The following TMC1 variants were observed in gnomAD, a reference collection of about 807,000 sequenced individuals.
The protein encoded by TMC1 is transmembrane channel like 1.
Under a neutral mutation model 105.8 loss-of-function variants are expected in TMC1, and 84 were observed. The ratio of observed to expected loss-of-function variants is 0.79; its 90% CI spans 0.67 to 0.95. The LOEUF is 0.95. TMC1 is among the 40% of genes least tolerant of loss of function. The pLI is 0.00. For synonymous variants in TMC1, 315 were observed against 311.5 expected (o/e 1.01, Z -0.12); for missense variants, 817 against 914.1 (o/e 0.89, Z 1.37).
intron 1 of TMC1, among the ~76,000 whole-genome samples, chr9:72,565,522 T>C (rs922292110): frequency 6.6e-6 from 1 of 152,196 alleles, no homozygotes; most frequent in African/African-American, 2.4e-5. Context: ...TTTTCTTATT[T>C]TATAGGCTGT....
At position 72,543,013 on chromosome 9, in the gene TMC1, T is replaced by G. The variant is rs559665298; in HGVS notation, c.-428+21100T>G. ...TTTTCTAATGTGTAAAATGAAAATA[T>G]GCACTAGACCTTCACTTGTTTTTTT... On this transcript the variant is annotated intron_variant, in intron 1 of 23. Transcript: ENST00000297784. Among the ~76,000 whole-genome samples the G allele has an allele frequency of 2.0e-4, 31 of 152,288 alleles. 1 individual carries two copies. In the South Asian group the frequency reaches 6.4e-3, roughly 32 times the overall value.
intron 5 of TMC1, among the ~76,000 whole-genome samples, chr9:72,682,955 G>C (rs2132178211): frequency 6.6e-6 from 1 of 152,320 alleles, no homozygotes; most frequent in East Asian, 1.9e-4. Context: ...GCAGGAGGAA[G>C]AGAGAGAAGG....
intron 13 of TMC1, among the ~76,000 whole-genome samples, chr9:72,784,968 T>C (rs780831134): frequency 6.6e-6 from 1 of 152,024 alleles, no homozygotes; most frequent in African/African-American, 2.4e-5. Context: ...AAGGTGAGGA[T>C]TGAAAAACTA....
At chr9:72,658,273 T>C (rs1212136268) in intron 5 of TMC1, among the ~76,000 whole-genome samples, 4 of 151,982 alleles carry the variant, frequency 2.6e-5, no homozygotes. Flanking sequence ...ATCAATTGAA[T>C]TGTAGAAGCA....
chr9:72,564,624 T>C (rs1260627431), intron 1 of TMC1, among the ~76,000 whole-genome samples: 2 of 152,196 alleles, frequency 1.3e-5, no homozygotes, highest in Non-Finnish European at 2.9e-5. Context: ...AAAAAAACTT[T>C]TCCATCCAAG....
chr9:72,733,495 T>G (rs950709939), intron 8 of TMC1, among the ~76,000 whole-genome samples: 5 of 152,152 alleles, frequency 3.3e-5, no homozygotes, highest in Non-Finnish European at 7.3e-5. Context: ...TTCTTAACTT[T>G]GTAGTTTGGA....
chr9:72,538,080 C>G (rs1823612361), intron 1 of TMC1, among the ~76,000 whole-genome samples: 1 of 151,216 alleles, frequency 6.6e-6, no homozygotes, highest in Non-Finnish European at 1.5e-5. Flanking sequence ...TACTTGAGCC[C>G]AGGAGGCAGA....
At chr9:72,824,969 T>A (rs377606684) in intron 20 of TMC1, among the ~76,000 whole-genome samples, 6 of 152,348 alleles carry the variant, frequency 3.9e-5, no homozygotes, top group African/African-American at 1.2e-4. Context: ...AGGTGCAGGT[T>A]TTTTAGTATT....
At chr9:72,730,152 A>G (rs2117979375) in intron 8 of TMC1, among the ~76,000 whole-genome samples, 1 of 152,332 alleles carries the variant, frequency 6.6e-6, no homozygotes, top group South Asian at 2.1e-4. Flanking sequence ...GTTGACCAAG[A>G]CTAGGTCATA....
intron 8 of TMC1, among the ~76,000 whole-genome samples, chr9:72,706,198 C>A (rs1165914275): frequency 6.6e-6 from 1 of 152,130 alleles, no homozygotes; most frequent in Non-Finnish European, 1.5e-5. Context: ...ATTTGGCTTC[C>A]ATTCTCACCC....
chr9:72,530,002 TG>T (rs1304209791), intron 1 of TMC1, among the ~76,000 whole-genome samples: 1 of 152,094 alleles, frequency 6.6e-6, no homozygotes, highest in African/African-American at 2.4e-5. Flanking sequence ...AAATCAGGTC[TG>T]GGGAGCAAGG....
In TMC1 at chr9:72,610,006, A is replaced by G. The variant is rs147725914; in HGVS notation, c.-305-6362A>G. Among the ~76,000 whole-genome samples the G allele has an allele frequency of 2.3e-3, 353 of 152,238 alleles. 3 individuals carry two copies. The highest frequency in any genetic ancestry group is 8.1e-3 in the African/African-American group (335 of 41,542). On this transcript the variant is annotated intron_variant, in intron 2 of 23. Transcript: ENST00000297784. ...AACTTTTCATTTTTGTTACACATCT[A>G]TTGACTCTACTGCTCAGTGAACTAT...
chr9:72,588,111 C>A (rs546606661), intron 2 of TMC1, among the ~76,000 whole-genome samples: 1 of 151,762 alleles, frequency 6.6e-6, no homozygotes, highest in African/African-American at 2.4e-5. Flanking sequence ...TGTCTTGTAC[C>A]CAGAAAGAGG....
intron 5 of TMC1, among the ~76,000 whole-genome samples, chr9:72,653,361 C>G (rs1825840902): frequency 6.6e-6 from 1 of 152,130 alleles, no homozygotes; most frequent in African/African-American, 2.4e-5. Context: ...TTCAGGATTC[C>G]TCTGAAGTGG....
intron 7 of TMC1, among the ~76,000 whole-genome samples, chr9:72,699,322 A>C (rs2117861551): frequency 6.6e-6 from 1 of 152,318 alleles, no homozygotes; most frequent in African/African-American, 2.4e-5. Context: ...CAAAGGATTC[A>C]CTTCCACCAA....
At chr9:72,814,362 A>G (rs1461156777) in intron 18 of TMC1, among the ~76,000 whole-genome samples, 1 of 152,216 alleles carries the variant, frequency 6.6e-6, no homozygotes, top group Non-Finnish European at 1.5e-5. Context: ...TGTTCTCCAG[A>G]TAAGAAGCAG....
intron 23 of TMC1, among the ~76,000 whole-genome samples, chr9:72,835,550 T>C (rs1183117303): frequency 1.3e-5 from 2 of 152,250 alleles, no homozygotes; most frequent in Admixed American, 1.3e-4. Flanking sequence ...AATATAATGC[T>C]ATAGCATGCT....
chr9:72,773,917 C>A (rs1435978491), intron 13 of TMC1, among the ~76,000 whole-genome samples: 1 of 152,088 alleles, frequency 6.6e-6, no homozygotes, highest in Admixed American at 6.5e-5. Flanking sequence ...CTCCTGTTTC[C>A]CCTTGGTAAT....
chr9:72,741,597 G>T (rs1827391442), intron 9 of TMC1: 1 of 157,014 alleles, frequency 6.4e-6, no homozygotes, highest in Non-Finnish European at 1.4e-5. Flanking sequence ...TCCCATAAGG[G>T]TTTTTAAAGA....
Sources: gnomAD v4.1 joint callset for allele counts (sites outside exome capture counted in the v4.1 genomes callset) on GRCh38, gnomAD v4.1.1 for gene constraint, MANE v1.5 for transcripts, NCBI Gene and HGNC (gene_info 2026-07-23, HGNC 2026-07-21) for gene names.